Variants in PCDH15 observed in about 807,000 individuals in gnomAD.
PCDH15 encodes the protein protocadherin-15.
A neutral mutation model predicts 178.5 loss-of-function variants in PCDH15; 129 were observed. The ratio of observed to expected loss-of-function variants is 0.72; its 90% CI spans 0.63 to 0.84. The LOEUF is 0.84. Among genes scored for constraint, PCDH15 ranks in the 40% least tolerant of loss-of-function variants. The probability of loss-of-function intolerance (pLI) is 0.00; values close to 1 mark genes in which losing one functional copy is unlikely to be tolerated. For missense variants in PCDH15, 2,230 were observed against 2,099.9 expected, an observed-to-expected ratio of 1.06 and a Z score of -1.21; for synonymous variants, 800 against 732.0, an observed-to-expected ratio of 1.09 and a Z score of -1.50.
intron 3 of PCDH15, among the ~76,000 whole-genome samples, chr10:54,398,207 T>C (rs1353024664): frequency 6.6e-6 from 1 of 151,504 alleles, no homozygotes; most frequent in Non-Finnish European, 1.5e-5. Context: ...AATGTATTCC[T>C]AAAATTTCAA....
chr10:55,415,270 A>C (rs1399580775), intron 2 of PCDH15, among the ~76,000 whole-genome samples: 2 of 151,602 alleles, frequency 1.3e-5, no homozygotes, highest in Non-Finnish European at 3.0e-5. Context: ...TCTTGTTGCA[A>C]TATGTTCTTT....
chr10:55,595,742 T>C (rs574603282), intron 2 of PCDH15, among the ~76,000 whole-genome samples: 21 of 152,216 alleles, frequency 1.4e-4, no homozygotes, highest in African/African-American at 5.1e-4. Context: ...AGTGTTTTTG[T>C]TTACATTTTT....
intron 1 of PCDH15, among the ~76,000 whole-genome samples, chr10:54,736,838 C>A (rs1566083248): frequency 1.3e-5 from 2 of 152,008 alleles, no homozygotes; most frequent in Admixed American, 6.6e-5. Flanking sequence ...AGGCAGGAAG[C>A]AAGCAGGGTC....
intron 2 of PCDH15, among the ~76,000 whole-genome samples, chr10:55,387,678 A>G (rs1440615209): frequency 6.6e-6 from 1 of 152,130 alleles, no homozygotes; most frequent in African/African-American, 2.4e-5. Flanking sequence ...GCACTTTAAG[A>G]GCCAAATTTC....
At position 54,787,280 on chromosome 10, in the gene PCDH15, A is replaced by C. The variant is rs573159089; in HGVS notation, c.-29+13645T>G. Among the ~76,000 whole-genome samples, 378 of 151,858 alleles carry C rather than the reference A, an allele frequency of 2.5e-3. 1 individual carries two copies. The highest frequency in any genetic ancestry group is 8.8e-3 in the African/African-American group (367 of 41,496). ...ACATAAAGATAAAAAGGAAAAAAAA[A>C]CAATTTTTACAAAAATCATCTTAAT... On this transcript the variant is annotated intron_variant, in intron 1 of 37. Coordinates refer to ENST00000644397, the MANE Select transcript of PCDH15 (RefSeq NM_001384140.1).
chr10:54,105,825 C>CA lies in PCDH15; in HGVS notation c.1918-15763dup, dbSNP rs557320660. Among the ~76,000 whole-genome samples, 129 of 152,110 alleles carry CA rather than the reference C, an allele frequency of 8.5e-4. 1 individual carries two copies. Among genetic ancestry groups the CA allele is most frequent in the African/African-American group, 2.8e-3 (118 of 41,488 alleles). On this transcript the variant is annotated intron_variant, in intron 15 of 37. Transcript: ENST00000644397. ...AGAAATGAAAACTTATGTTCACACA[C>CA]AAAAATATATGTAAATATTAATAGC...
chr10:54,280,105 T>C (rs2058591923), intron 8 of PCDH15, among the ~76,000 whole-genome samples: 1 of 151,686 alleles, frequency 6.6e-6, no homozygotes, highest in Non-Finnish European at 1.5e-5. Flanking sequence ...GAAGAAACTT[T>C]GCAGATTATA....
chr10:55,051,648 G>A (rs556024698), intron 2 of PCDH15, among the ~76,000 whole-genome samples: 25 of 152,216 alleles, frequency 1.6e-4, no homozygotes, highest in African/African-American at 4.6e-4. Context: ...AATCATAGAT[G>A]TTTATAGCAT....
intron 1 of PCDH15, among the ~76,000 whole-genome samples, chr10:54,776,136 G>A (rs952206317): frequency 6.6e-6 from 1 of 152,078 alleles, no homozygotes; most frequent in African/African-American, 2.4e-5. Context: ...AGTATTTCAT[G>A]TGTATATGTG....
intron 25 of PCDH15, among the ~76,000 whole-genome samples, chr10:53,924,137 G>C (rs2084257713): frequency 6.6e-6 from 1 of 152,142 alleles, no homozygotes; most frequent in Admixed American, 6.5e-5. Context: ...CTCTGGGCTG[G>C]CCAAGGCCGG....
intron 3 of PCDH15, among the ~76,000 whole-genome samples, chr10:54,412,055 G>GT (rs1953610583): frequency 6.6e-6 from 1 of 152,016 alleles, no homozygotes; most frequent in Non-Finnish European, 1.5e-5. Context: ...TTCTAGGATG[G>GT]TAAGTAGAGA....
At chr10:54,855,013 C>T (rs1013174205) in intron 3 of PCDH15, among the ~76,000 whole-genome samples, 2 of 152,218 alleles carry the variant, frequency 1.3e-5, no homozygotes, top group African/African-American at 2.4e-5. Flanking sequence ...TTCTCTTAGG[C>T]TTGTCACTGG....
At chr10:53,876,476 G>A (rs1033939005) in intron 26 of PCDH15, among the ~76,000 whole-genome samples, 7 of 152,000 alleles carry the variant, frequency 4.6e-5, no homozygotes, top group Non-Finnish European at 1.5e-5. Flanking sequence ...ATGAGCCACC[G>A]CGCCCGGCCA....
intron 3 of PCDH15, among the ~76,000 whole-genome samples, chr10:54,435,982 G>GAAAGA (rs762352309): frequency 3.0e-5 from 4 of 134,492 alleles, no homozygotes; most frequent in East Asian, 2.2e-4. Context: ...AAAAATGAAA[G>GAAAGA]AAAGAAAAGA....
chr10:54,491,462 A>C (rs551351024), intron 3 of PCDH15, among the ~76,000 whole-genome samples: 1 of 152,278 alleles, frequency 6.6e-6, no homozygotes, highest in South Asian at 2.1e-4. Context: ...CATAGTTTTA[A>C]GAAACCAAAA....
At chr10:54,975,044 C>T (rs895711505) in intron 2 of PCDH15, among the ~76,000 whole-genome samples, 2 of 152,178 alleles carry the variant, frequency 1.3e-5, no homozygotes, top group Non-Finnish European at 2.9e-5. Context: ...CTATTGGACA[C>T]ACCCTAAAAG....
intron 26 of PCDH15, among the ~76,000 whole-genome samples, chr10:53,875,405 A>T (rs10509001): frequency 0.075 from 11,421 of 152,120 alleles, 1,215 homozygotes; most frequent in African/African-American, 0.23. Flanking sequence ...GTTGGGTTAA[A>T]TTAATGCATA....
At chr10:54,000,139 T>C (rs2134987887) in intron 20 of PCDH15, among the ~76,000 whole-genome samples, 1 of 152,282 alleles carries the variant, frequency 6.6e-6, no homozygotes, top group South Asian at 2.1e-4. Context: ...GGGCTTGTGG[T>C]GCCTCCTAAA....
rs117771056 is a variant in PCDH15 at position 54,310,905 on chromosome 10, A to G, written c.876+6366T>C. 5.6e-3 allele frequency among the ~76,000 whole-genome samples: 854 copies of G among 152,192 alleles called. 8 individuals are homozygous for G. Among genetic ancestry groups the G allele is most frequent in the Non-Finnish European group, 0.011 (714 of 67,966 alleles). On this transcript the variant is annotated intron_variant, in intron 8 of 37. Coordinates refer to ENST00000644397, the MANE Select transcript of PCDH15 (RefSeq NM_001384140.1). ...ATGAGAAAAAACGGTACTTCCATAAAAAAGCAAGAGAGGAGAGATTTCCCA... is the reference window on the plus strand; with the variant it reads ...ATGAGAAAAAACGGTACTTCCATAAGAAAGCAAGAGAGGAGAGATTTCCCA...
Sources: allele counts gnomAD v4.1 joint callset (sites outside exome capture counted in the v4.1 genomes callset), GRCh38; gene constraint gnomAD v4.1.1; transcripts MANE v1.5; gene names NCBI Gene and HGNC (gene_info 2026-07-23, HGNC 2026-07-21).